CACNA2D2: variants seen among roughly 807,000 people sequenced by gnomAD.
CACNA2D2 encodes the protein calcium voltage-gated channel auxiliary subunit alpha2delta 2, also known as voltage-dependent calcium channel subunit alpha-2/delta-2.
CACNA2D2 carries 48 observed loss-of-function variants against 166.4 expected under a neutral mutation model. That is an observed-to-expected ratio of 0.29 (90% CI 0.23 to 0.37). The LOEUF (loss-of-function observed/expected upper bound fraction) is 0.37. Among genes scored for constraint, CACNA2D2 ranks in the 10% least tolerant of loss-of-function variants. The pLI is 1.00. For synonymous variants in CACNA2D2, 561 were observed against 573.7 expected (o/e 0.98, Z 0.32); for missense variants, 1,122 against 1,433.0 (o/e 0.78, Z 3.50).
At chr3:50,371,832 T>C (rs1390776580) in intron 22 of CACNA2D2, among the ~76,000 whole-genome samples, 5 of 152,008 alleles carry the variant, frequency 3.3e-5, no homozygotes, top group African/African-American at 1.2e-4. Flanking sequence ...TATGTTGTCA[T>C]TGTTACTAGG....
At chr3:50,444,238 T>C (rs750119556) in intron 2 of CACNA2D2, among the ~76,000 whole-genome samples, 2 of 152,104 alleles carry the variant, frequency 1.3e-5, no homozygotes, top group Non-Finnish European at 2.9e-5. Context: ...AAGGGCACCC[T>C]GGAGGTGGTC....
intron 4 of CACNA2D2, among the ~76,000 whole-genome samples, chr3:50,389,748 A>G (rs1445367572): frequency 6.6e-6 from 1 of 152,222 alleles, no homozygotes; most frequent in Non-Finnish European, 1.5e-5. Flanking sequence ...GTCACCCAGG[A>G]GGATTCTTAG....
chr3:50,370,863 C>A (rs1186934892), intron 22 of CACNA2D2, among the ~76,000 whole-genome samples: 1 of 152,122 alleles, frequency 6.6e-6, no homozygotes, highest in African/African-American at 2.4e-5. Flanking sequence ...CTTTTGGCTG[C>A]GGATTTTTCT....
At chr3:50,447,258 G>A (rs58976377) in intron 2 of CACNA2D2, among the ~76,000 whole-genome samples, 1 of 152,148 alleles carries the variant, frequency 6.6e-6, no homozygotes, top group Non-Finnish European at 1.5e-5. Flanking sequence ...CTACAGGCTG[G>A]AGGCCTGGAT....
rs140117542 is a variant in CACNA2D2 at position 50,366,152 on chromosome 3, G to A, written c.2721C>T (p.Phe907=). ...TCAGGTTGGCATCCACCTCACTGAA[G>A]AACCTGCCCACCTGAGGATGTCAGG... The part of the protein sequence containing the change: ...QNHQWDQVGR[F]FSEVDANLML... The change falls in exon 32 of 38, where the codon TTC becomes TTT. Residue 907 remains phenylalanine, a synonymous_variant. Coordinates refer to ENST00000424201, the MANE Select transcript of CACNA2D2 (RefSeq NM_006030.4). This position sits in a 1 kb window ranked among gnomAD's most constrained non-coding sequence, Gnocchi z 5.9. 2.5e-5 allele frequency: 41 copies of A among 1,613,998 alleles called. No individual in the cohort carries two copies. In the African/African-American group the frequency reaches 4.8e-4, roughly 19 times the overall value.
chr3:50,437,716 CAGG>C (rs1215917026), intron 2 of CACNA2D2, among the ~76,000 whole-genome samples: 1 of 152,168 alleles, frequency 6.6e-6, no homozygotes, highest in African/African-American at 2.4e-5. Context: ...GCAGGCCCAG[CAGG>C]AGCCCAGGAG....
chr3:50,389,872 A>T (rs1306017670), intron 4 of CACNA2D2, among the ~76,000 whole-genome samples: 1 of 152,170 alleles, frequency 6.6e-6, no homozygotes, highest in African/African-American at 2.4e-5. Context: ...GGAGGGCGAG[A>T]CCATGCCCCT....
intron 3 of CACNA2D2, among the ~76,000 whole-genome samples, chr3:50,420,425 A>C (rs1438937701): frequency 6.6e-6 from 1 of 152,184 alleles, no homozygotes; most frequent in East Asian, 1.9e-4. Context: ...GGTAGCACCA[A>C]ATACTGACTT....
At chr3:50,446,378 AG>A (rs1171298669) in intron 2 of CACNA2D2, among the ~76,000 whole-genome samples, 1 of 152,216 alleles carries the variant, frequency 6.6e-6, no homozygotes, top group Non-Finnish European at 1.5e-5. Flanking sequence ...AGGCACAGAG[AG>A]TAACTGGCAG....
chr3:50,497,204 G>A (rs9814874), intron 1 of CACNA2D2, among the ~76,000 whole-genome samples: 18,956 of 152,122 alleles, frequency 0.12, 2,687 homozygotes, highest in African/African-American at 0.3. Flanking sequence ...GGAGCAGGAA[G>A]ACCCCAGATC....
intron 1 of CACNA2D2, among the ~76,000 whole-genome samples, chr3:50,497,359 G>C (rs1312948272): frequency 6.6e-6 from 1 of 152,240 alleles, no homozygotes; most frequent in Non-Finnish European, 1.5e-5. Flanking sequence ...CCTTGACAGA[G>C]GCCTCCTCAC....
At chr3:50,464,375 C>A (rs376256253) in intron 2 of CACNA2D2, among the ~76,000 whole-genome samples, 17 of 152,186 alleles carry the variant, frequency 1.1e-4, no homozygotes, top group African/African-American at 4.1e-4. Flanking sequence ...CAGTGCCCAG[C>A]TGCTGCTGAA....
At chr3:50,419,433 G>A (rs937334087) in intron 3 of CACNA2D2, among the ~76,000 whole-genome samples, 1 of 152,104 alleles carries the variant, frequency 6.6e-6, no homozygotes, top group African/African-American at 2.4e-5. Context: ...GCTCTGAGTC[G>A]GGAATTCTAC....
In CACNA2D2 at chr3:50,365,098, C is replaced by T; in HGVS notation, c.3185G>A (p.Arg1062Gln). 1.2e-6 allele frequency: 2 copies of T among 1,611,820 alleles called. No individual in the cohort carries two copies. Among genetic ancestry groups the T allele is most frequent in the Non-Finnish European group, 1.7e-6 (2 of 1,179,614 alleles). Residue 1062 changes from arginine (R) to glutamine (Q), a missense_variant, in exon 36 of 38, where the codon CGG becomes CAG. By Grantham distance (43) the Arg-to-Gln change is conservative (BLOSUM62 1). This residue lies in a region of CACNA2D2 where 282 missense variants were observed against 266.2 expected (regional missense o/e 1.06). Coordinates refer to ENST00000424201, the MANE Select transcript of CACNA2D2 (RefSeq NM_006030.4). This position sits in a 1 kb window ranked among gnomAD's most constrained non-coding sequence, Gnocchi z 4.5. ...ACAGTGCGTCTCCTTCTGCAGCAGC[C>T]GGCCAGCCTCGCACTGGCTGCACAG... ...KPLCSQCEAG[R>Q]LLQKETHSDG... is the part of the protein sequence containing the mutation.
chr3:50,421,569 T>A (rs1055346267), intron 3 of CACNA2D2, among the ~76,000 whole-genome samples: 1 of 152,062 alleles, frequency 6.6e-6, no homozygotes, highest in African/African-American at 2.4e-5. Flanking sequence ...TGGGGATGCA[T>A]CAGCCCAGGG....
intron 2 of CACNA2D2, among the ~76,000 whole-genome samples, chr3:50,461,779 A>G (rs1709597756): frequency 6.6e-6 from 1 of 151,436 alleles, no homozygotes; most frequent in Non-Finnish European, 1.5e-5. Flanking sequence ...AAAGAAAGAA[A>G]GGAAGGAAGG....
chr3:50,494,912 G>A (rs1167339225), intron 1 of CACNA2D2, among the ~76,000 whole-genome samples: 1 of 152,196 alleles, frequency 6.6e-6, no homozygotes, highest in Non-Finnish European at 1.5e-5. Context: ...CTGGGCTCAA[G>A]TGATCCTCCC....
At position 50,379,895 on chromosome 3, in the gene CACNA2D2, A is replaced by T; in HGVS notation, c.894-71T>A. ...CGTGTTCTCCTGCCCATCCCCCAAG[A>T]TGTTCAGGGCAGCAGAGTCTAGCCC... On this transcript the variant is annotated intron_variant, in intron 9 of 37. Coordinates refer to ENST00000424201, the MANE Select transcript of CACNA2D2 (RefSeq NM_006030.4). The surrounding 1 kb of genome is among the most constrained non-coding windows in gnomAD (Gnocchi z 6.5). 2 of 1,611,952 alleles carry T rather than the reference A, an allele frequency of 1.2e-6. No individual in the cohort carries two copies. The highest frequency in any genetic ancestry group is 3.3e-5 in the Admixed American group (2 of 60,004).
At chr3:50,459,211 C>G (rs1459241678) in intron 2 of CACNA2D2, among the ~76,000 whole-genome samples, 1 of 152,094 alleles carries the variant, frequency 6.6e-6, no homozygotes, top group Non-Finnish European at 1.5e-5. Context: ...AAAGGGAACC[C>G]AGGTATACAC....
Sources: allele counts gnomAD v4.1 joint callset (sites outside exome capture counted in the v4.1 genomes callset), GRCh38; gene constraint gnomAD v4.1.1; regional missense constraint gnomAD v4.1.1; non-coding constraint Gnocchi (gnomAD v3.1); transcripts MANE v1.5; gene names NCBI Gene and HGNC (gene_info 2026-07-23, HGNC 2026-07-21).